The following SNTG2 variants were observed in gnomAD, a reference collection of about 807,000 sequenced individuals.
SNTG2 encodes the protein syntrophin gamma 2.
SNTG2 carries 74 observed loss-of-function variants against 70.9 expected under a neutral mutation model. The ratio of observed to expected loss-of-function variants is 1.04; its 90% CI spans 0.86 to 1.27. The LOEUF (loss-of-function observed/expected upper bound fraction) is 1.27, where lower values mean the gene tolerates loss of function less well. Among genes scored for constraint, SNTG2 ranks in the 50% most tolerant of loss-of-function variants. The pLI is 0.00. For synonymous variants in SNTG2, 278 were observed against 273.8 expected (o/e 1.02, Z -0.15); for missense variants, 717 against 690.7 (o/e 1.04, Z -0.43).
At chr2:1,071,981 A>G (rs976942885) in intron 1 of SNTG2, among the ~76,000 whole-genome samples, 2 of 152,206 alleles carry the variant, frequency 1.3e-5, no homozygotes, top group African/African-American at 4.8e-5. Flanking sequence ...TCAGAAGGAA[A>G]GTTGGAAGCT....
chr2:1,340,041 C>T (rs1442767686), intron 16 of SNTG2, among the ~76,000 whole-genome samples: 2 of 152,234 alleles, frequency 1.3e-5, no homozygotes, highest in Admixed American at 6.5e-5. Context: ...TGTGGAGGCA[C>T]AGAAGAGGCA....
rs141093827 is a variant in SNTG2, at chr2:1,132,346, G to A, written c.326-5276G>A. Among the ~76,000 whole-genome samples the A allele has an allele frequency of 3.1e-3, 467 of 152,160 alleles. 4 individuals are homozygous for A. Among genetic ancestry groups the A allele is most frequent in the African/African-American group, 0.011 (457 of 41,508 alleles). ...ACACCCAAGAACACAAATACATTCA[G>A]AGCCACGGGGAAGTTGAGTAAAAGC... On this transcript the variant is annotated intron_variant, in intron 4 of 16. Transcript: ENST00000308624.
intron 1 of SNTG2, among the ~76,000 whole-genome samples, chr2:1,080,091 G>A (rs943089529): frequency 5.9e-5 from 9 of 152,324 alleles, no homozygotes; most frequent in South Asian, 4.1e-4. Flanking sequence ...CCCCCAGGGC[G>A]GTGGCGAGGG....
At chr2:1,264,266 G>A (rs903399474) in intron 13 of SNTG2, among the ~76,000 whole-genome samples, 16 of 152,204 alleles carry the variant, frequency 1.1e-4, no homozygotes, top group Non-Finnish European at 1.5e-4. Context: ...AAGATGCAGC[G>A]TTCAATCATT....
chr2:1,191,293 G>T (rs569145856), intron 8 of SNTG2, among the ~76,000 whole-genome samples: 2 of 152,268 alleles, frequency 1.3e-5, no homozygotes, highest in South Asian at 4.1e-4. Context: ...AGATTTAGTG[G>T]CAAATTGAAG....
chr2:1,342,254 T>G (rs935399173), intron 16 of SNTG2, among the ~76,000 whole-genome samples: 5 of 152,228 alleles, frequency 3.3e-5, no homozygotes, highest in African/African-American at 1.2e-4. Context: ...CTCTTGAGGG[T>G]CCTACATTTC....
At chr2:1,169,309 G>C (rs1201517258) in intron 7 of SNTG2, among the ~76,000 whole-genome samples, 1 of 152,092 alleles carries the variant, frequency 6.6e-6, no homozygotes, top group Non-Finnish European at 1.5e-5. Context: ...GGGGGTGGGA[G>C]GCAGAGGACA....
chr2:1,255,851 T>TAAATATATAA (rs1558602401), intron 12 of SNTG2, among the ~76,000 whole-genome samples: 4 of 38,224 alleles, frequency 1.0e-4, no homozygotes, highest in Non-Finnish European at 1.8e-4. Context: ...TAAATATATA[T>TAAATATATAA]AAATATATAT....
intron 1 of SNTG2, among the ~76,000 whole-genome samples, chr2:992,072 T>G (rs1042714004): frequency 6.6e-6 from 1 of 152,146 alleles, no homozygotes; most frequent in African/African-American, 2.4e-5. Context: ...ACCTGCAGCA[T>G]GAGGCATGCG....
At chr2:1,229,142 C>T (rs905775538) in intron 9 of SNTG2, among the ~76,000 whole-genome samples, 2 of 152,092 alleles carry the variant, frequency 1.3e-5, no homozygotes, top group Admixed American at 6.5e-5. Flanking sequence ...GGAAGGGGAC[C>T]GGAGCGGGTT....
intron 6 of SNTG2, among the ~76,000 whole-genome samples, chr2:1,140,600 G>T (rs35738882): frequency 0.14 from 21,432 of 152,294 alleles, 1,942 homozygotes; most frequent in East Asian, 0.27. Context: ...GCCCCCACAG[G>T]CAGGGCGCAG....
At chr2:973,704 G>C (rs1164991915) in intron 1 of SNTG2, among the ~76,000 whole-genome samples, 2 of 151,672 alleles carry the variant, frequency 1.3e-5, no homozygotes, top group African/African-American at 4.8e-5. Flanking sequence ...TGTTCTTTCT[G>C]TTCTTCCTTT....
chr2:1,272,493 G>T (rs67103602), intron 14 of SNTG2, among the ~76,000 whole-genome samples: 1 of 93,594 alleles, frequency 1.1e-5, no homozygotes, highest in East Asian at 3.8e-4. Context: ...AAAGGATTCT[G>T]TTAGGACATC....
At chr2:1,001,246 T>C (rs1330787581) in intron 1 of SNTG2, among the ~76,000 whole-genome samples, 5 of 151,980 alleles carry the variant, frequency 3.3e-5, no homozygotes, top group Non-Finnish European at 7.4e-5. Context: ...CTATTCAACA[T>C]AGTACTGAAA....
chr2:1,330,038 C>T (rs1412372225), intron 16 of SNTG2, among the ~76,000 whole-genome samples: 3 of 152,038 alleles, frequency 2.0e-5, no homozygotes, highest in Admixed American at 6.6e-5. Context: ...TTGTGAGGGG[C>T]CTTTTGAGGT....
At chr2:1,281,228 T>G in intron 14 of SNTG2, among the ~76,000 whole-genome samples, 2 of 42,726 alleles carry the variant, frequency 4.7e-5, no homozygotes, top group African/African-American at 1.4e-4. Context: ...TGTTTGTGTT[T>G]ATGTGGTGTG....
chr2:1,015,896 G>A (rs6711305), intron 1 of SNTG2, among the ~76,000 whole-genome samples: 55,569 of 152,132 alleles, frequency 0.37, 11,028 homozygotes, highest in Middle Eastern at 0.52. Context: ...AAGACTTGCA[G>A]ATGGCCCATG....
At chr2:1,052,632 G>A (rs1459531467) in intron 1 of SNTG2, among the ~76,000 whole-genome samples, 2 of 152,088 alleles carry the variant, frequency 1.3e-5, no homozygotes, top group African/African-American at 2.4e-5. Flanking sequence ...TGAAATCAGA[G>A]GTCTCTAAAG....
chr2:1,322,371 G>T (rs12465180), intron 16 of SNTG2, among the ~76,000 whole-genome samples: 3 of 152,040 alleles, frequency 2.0e-5, no homozygotes, highest in African/African-American at 7.2e-5. Flanking sequence ...GCCCTAGGAG[G>T]GAAAATCCAC....
Sources: allele counts gnomAD v4.1 joint callset (sites outside exome capture counted in the v4.1 genomes callset), GRCh38; gene constraint gnomAD v4.1.1; transcripts MANE v1.5; gene names NCBI Gene and HGNC (gene_info 2026-07-23, HGNC 2026-07-21).